The following NCR3LG1 variants were observed in gnomAD, a reference collection of about 807,000 sequenced individuals.
The protein encoded by NCR3LG1 is natural cytotoxicity triggering receptor 3 ligand 1.
In NCR3LG1, 35 loss-of-function variants were observed where a neutral mutation model predicts 34.8. The observed-to-expected ratio is 1.01, with a 90% CI of 0.77 to 1.33. The LOEUF is 1.33. NCR3LG1 is among the 40% of genes most tolerant of loss of function. The pLI, the probability that NCR3LG1 is intolerant of heterozygous loss-of-function variation, is 0.00. For synonymous variants in NCR3LG1, 173 were observed against 163.6 expected (o/e 1.06, Z -0.44); for missense variants, 452 against 423.3 (o/e 1.07, Z -0.60).
rs2139721523 is a variant in NCR3LG1, at chr11:17,352,007, T to C, written c.38T>C (p.Leu13Pro). 1 of 1,323,320 alleles carries C rather than the reference T, an allele frequency of 7.6e-7. No homozygotes were observed. The highest frequency in any genetic ancestry group is 1.6e-5 in the African/African-American group (1 of 60,718). 82.0% of individuals were successfully genotyped at this position (1,323,320 alleles called of 1,614,324 possible). A position where few individuals can be genotyped will look rare whatever the true frequency, so the allele number is the denominator to read the frequency against. The change falls in exon 1 of 5, where the codon CTC becomes CCC. Residue 13 changes from leucine (L) to proline (P), a missense_variant. Leu to Pro is a moderately conservative substitution (Grantham distance 98). Transcript: ENST00000338965. ...WRAAASTCAA[L>P]LILLWALTTE... ...GCTGCCGCCTCCACGTGCGCGGCGC[T>C]CCTGATTCTGCTGTGGGCGCTGACG...
intron 2 of NCR3LG1, among the ~76,000 whole-genome samples, chr11:17,360,196 T>A (rs1376373365): frequency 6.6e-6 from 1 of 152,166 alleles, no homozygotes; most frequent in African/African-American, 2.4e-5. Context: ...TCTTCTTTGA[T>A]GAGATGTTTG....
At chr11:17,360,054 C>T (rs1159743932) in intron 2 of NCR3LG1, among the ~76,000 whole-genome samples, 1 of 151,960 alleles carries the variant, frequency 6.6e-6, no homozygotes, top group Non-Finnish European at 1.5e-5. Flanking sequence ...TACAGGTGCA[C>T]ATCACCATGC....
rs1953215456 is a variant in NCR3LG1, at chr11:17,356,863, G to C, written c.283G>C (p.Val95Leu). Residue 95 changes from valine to leucine, a missense_variant, in exon 2 of 5, where the codon GTG becomes CTG. Physicochemically the swap from Val to Leu is conservative, Grantham distance 32. Coordinates refer to ENST00000338965, the MANE Select transcript of NCR3LG1 (RefSeq NM_001202439.3). Reference sequence around the variant, plus strand: ...AGAGGCATTCCGACCTGGAGCCATTGTGTCTCCATGGAGGCTGAAGAGTGG... The same window carrying C: ...AGAGGCATTCCGACCTGGAGCCATTCTGTCTCCATGGAGGCTGAAGAGTGG... Reference protein sequence around the residue: ...HQEAFRPGAIVSPWRLKSGDA... With the variant: ...HQEAFRPGAILSPWRLKSGDA... The C allele has an allele frequency of 6.5e-7, 1 of 1,536,146 alleles. No homozygotes were observed. The highest frequency in any genetic ancestry group is 8.7e-7 in the Non-Finnish European group (1 of 1,146,900).
rs1160004263 is a variant in NCR3LG1, at chr11:17,357,021, G to A, written c.421+20G>A. On this transcript the variant is annotated intron_variant, in intron 2 of 4. Transcript: ENST00000338965. ...TTGTGGGTGAGTGTCTCGGGGCAGT[G>A]CCCTACAGTTCCCATGGTGTTGGGG... 1.4e-6 allele frequency: 2 copies of A among 1,458,812 alleles called. No individual in the cohort carries two copies. The highest frequency in any genetic ancestry group is 2.5e-5 in the East Asian group (1 of 40,328). 90.4% of individuals were successfully genotyped at this position (1,458,812 alleles called of 1,614,324 possible). A position where few individuals can be genotyped will look rare whatever the true frequency, so the allele number is the denominator to read the frequency against.
chr11:17,372,581 A>G lies in NCR3LG1; in HGVS notation c.*69A>G. On this transcript the variant is annotated 3_prime_UTR_variant, in exon 5 of 5. Coordinates refer to ENST00000338965, the MANE Select transcript of NCR3LG1 (RefSeq NM_001202439.3). ...CATTACAGGACCTTGGGCAAATAAG[A>G]GGGGACCTGGGCAAGTTCTCTGATG... 1 of 616,692 alleles carries G rather than the reference A, an allele frequency of 1.6e-6. No homozygotes were observed. Among genetic ancestry groups the G allele is most frequent in the Non-Finnish European group, 2.9e-6 (1 of 345,848 alleles). The allele number at this position is 616,692 out of a possible 1,614,324, so 38.2% of individuals were successfully genotyped here.
rs1953477892 is a variant in NCR3LG1 at position 17,376,408 on chromosome 11, G to A, written c.*3896G>A. ...CGAGTCTGCTAGGACTTTTTATTGG[G>A]TTTGGTAATACGTCACACCCTTTAG... On this transcript the variant is annotated 3_prime_UTR_variant, in exon 5 of 5. Coordinates refer to ENST00000338965, the MANE Select transcript of NCR3LG1 (RefSeq NM_001202439.3). The A allele has an allele frequency of 6.6e-6, 1 of 152,132 alleles. No individual in the cohort carries two copies. Among genetic ancestry groups the A allele is most frequent in the African/African-American group, 2.4e-5 (1 of 41,420 alleles). 9.4% of individuals were successfully genotyped at this position (152,132 alleles called of 1,614,324 possible).
intron 2 of NCR3LG1, among the ~76,000 whole-genome samples, chr11:17,363,071 C>A (rs1240486296): frequency 6.8e-6 from 1 of 146,156 alleles, no homozygotes; most frequent in East Asian, 2.0e-4. Flanking sequence ...CAGGCATGCA[C>A]CACCATGCCC....
intron 2 of NCR3LG1, among the ~76,000 whole-genome samples, chr11:17,363,576 C>CTCTTTTCTTT (rs112741886): frequency 2.2e-4 from 27 of 124,624 alleles, no homozygotes; most frequent in East Asian, 1.0e-3. Context: ...TCCTCTTTCT[C>CTCTTTTCTTT]TCTTTTCTTT....
intron 4 of NCR3LG1, among the ~76,000 whole-genome samples, chr11:17,369,393 G>A (rs1333282830): frequency 6.6e-6 from 1 of 152,000 alleles, no homozygotes; most frequent in Non-Finnish European, 1.5e-5. Context: ...CTGACCACCA[G>A]ATCTCACTAG....
At chr11:17,369,459 A>G (rs1187320129) in intron 4 of NCR3LG1, among the ~76,000 whole-genome samples, 2 of 152,230 alleles carry the variant, frequency 1.3e-5, no homozygotes, top group African/African-American at 4.8e-5. Context: ...ACATGTTTCT[A>G]AACATTTTTA....
At chr11:17,354,542 CTTCTTTT>C (rs1953182193) in intron 1 of NCR3LG1, among the ~76,000 whole-genome samples, 1 of 58,016 alleles carries the variant, frequency 1.7e-5, no homozygotes, top group African/African-American at 7.8e-5. Context: ...CCCAATTCTT[CTTCTTTT>C]TTTTTTTTTT....
intron 3 of NCR3LG1, 51 bp from the exon 4 acceptor site, chr11:17,368,816 C>G (rs1478957997): frequency 8.0e-6 from 10 of 1,257,326 alleles, no homozygotes; most frequent in Middle Eastern, 3.6e-4. Context: ...TGTGGTTTCT[C>G]TGGCCCTTGC....
At chr11:17,368,517 G>C (rs1162102545) in intron 3 of NCR3LG1, among the ~76,000 whole-genome samples, 1 of 152,084 alleles carries the variant, frequency 6.6e-6, no homozygotes, top group Non-Finnish European at 1.5e-5. Flanking sequence ...TCCATGGGGA[G>C]TATGAAATGG....
intron 2 of NCR3LG1, among the ~76,000 whole-genome samples, chr11:17,360,624 C>T (rs1388013807): frequency 6.7e-6 from 1 of 148,574 alleles, no homozygotes; most frequent in African/African-American, 2.5e-5. Context: ...TGCATATGAA[C>T]ACCTAATTGT....
chr11:17,362,790 T>TTCTCTCTC (rs775335746), intron 2 of NCR3LG1, among the ~76,000 whole-genome samples: 3 of 94,328 alleles, frequency 3.2e-5, no homozygotes, highest in African/African-American at 1.6e-4. Context: ...CTTTCCTTCT[T>TTCTCTCTC]TCTCTCTCTT....
rs139379819 is a variant in NCR3LG1 at position 17,375,667 on chromosome 11, C to G, written c.*3155C>G. 3.3e-5 allele frequency: 5 copies of G among 152,304 alleles called. No homozygotes were observed. In the East Asian group the frequency reaches 9.6e-4, roughly 29 times the overall value. 9.4% of individuals were successfully genotyped at this position (152,304 alleles called of 1,614,324 possible). On this transcript the variant is annotated 3_prime_UTR_variant, in exon 5 of 5. Transcript: ENST00000338965. ...CAGGCTATTATCCTCAGTGTTCCTC[C>G]CATGAGAATTAGTGGTCAGACATTG... is the stretch of plus-strand genomic sequence containing the variant.
chr11:17,367,037 T>C lies in NCR3LG1; in HGVS notation c.450T>C (p.Asp150=). Residue 150 remains aspartate, a synonymous_variant, in exon 3 of 5, where the codon GAT becomes GAC. Transcript: ENST00000338965. ...VASPASRLLL[D]QVGMKENEDK... is the part of the protein sequence containing the mutation. ...CCCCAGCCAGCAGATTGTTGCTGGA[T>C]CAAGTGGGCATGAAAGAGAATGAAG... 3.3e-6 allele frequency: 5 copies of C among 1,534,120 alleles called. No homozygotes were observed. Among genetic ancestry groups the C allele is most frequent in the Non-Finnish European group, 4.4e-6 (5 of 1,145,272 alleles).
At position 17,372,715 on chromosome 11, in the gene NCR3LG1, G is replaced by A. The variant is rs1391885482; in HGVS notation, c.*203G>A. On this transcript the variant is annotated 3_prime_UTR_variant, in exon 5 of 5. Coordinates refer to ENST00000338965, the MANE Select transcript of NCR3LG1 (RefSeq NM_001202439.3). ...CTTAACTACTACAGAGAAACAGGTA[G>A]CCCTGCAGGCAGCAGAAAAATTCAG... 11 of 507,470 alleles carry A rather than the reference G, an allele frequency of 2.2e-5. No individual in the cohort carries two copies. Among genetic ancestry groups the A allele is most frequent in the Non-Finnish European group, 3.5e-5 (10 of 289,072 alleles). The allele number at this position is 507,470 out of a possible 1,614,324, so 31.4% of individuals were successfully genotyped here.
chr11:17,378,595 C>G (rs1953495696), downstream of NCR3LG1, among the ~76,000 whole-genome samples: 1 of 152,138 alleles, frequency 6.6e-6, no homozygotes, highest in Non-Finnish European at 1.5e-5. Flanking sequence ...GCTGTAACCC[C>G]AACGACGCCC....
Sources: allele counts gnomAD v4.1 joint callset (sites outside exome capture counted in the v4.1 genomes callset), GRCh38; gene constraint gnomAD v4.1.1; transcripts MANE v1.5; gene names NCBI Gene and HGNC (gene_info 2026-07-23, HGNC 2026-07-21).